The following STK24 variants were observed in gnomAD, a reference collection of about 807,000 sequenced individuals.
STK24 encodes serine/threonine-protein kinase 24.
A neutral mutation model predicts 55.6 loss-of-function variants in STK24; 21 were observed. The observed-to-expected ratio is 0.38, with a 90% confidence interval of 0.27 to 0.54. The LOEUF is 0.54. Ranked by LOEUF, STK24 falls within the 20% of genes least tolerant of loss-of-function variation. The pLI, the probability that STK24 is intolerant of heterozygous loss-of-function variation, is 0.79. For missense variants in STK24, 383 were observed against 538.4 expected (o/e 0.71, Z 2.86); for synonymous variants, 200 against 215.2 (o/e 0.93, Z 0.62).
At position 98,446,072 on chromosome 13, in the gene STK24, T is replaced by C. The variant is rs1333805915; in HGVS notation, c.*7101A>G. ...CTCCTGGGGCAGGTGCCCGCTGTGC[T>C]TCTCACAGGCCTCCTTGCCTTTCAG... On this transcript the variant is annotated 3_prime_UTR_variant, in exon 11 of 11. Coordinates refer to ENST00000539966, the MANE Select transcript of STK24 (RefSeq NM_001032296.4). The C allele has an allele frequency of 6.5e-7, 1 of 1,533,936 alleles. No individual in the cohort carries two copies. The highest frequency in any genetic ancestry group is 1.4e-5 in the African/African-American group (1 of 73,596).
At chr13:98,477,337 T>A (rs1894415308) in intron 3 of STK24, among the ~76,000 whole-genome samples, 1 of 152,172 alleles carries the variant, frequency 6.6e-6, no homozygotes, top group Non-Finnish European at 1.5e-5. Context: ...CTTTTGTTCA[T>A]AATGCTGGAG....
intron 5 of STK24, among the ~76,000 whole-genome samples, chr13:98,470,264 C>A (rs1894091671): frequency 6.6e-6 from 1 of 151,922 alleles, no homozygotes; most frequent in African/African-American, 2.4e-5. Flanking sequence ...GGGCATATCA[C>A]CATGCCCAGC....
chr13:98,545,368 C>G (rs1308880032), intron 1 of STK24, among the ~76,000 whole-genome samples: 1 of 151,984 alleles, frequency 6.6e-6, no homozygotes, highest in Admixed American at 6.6e-5. Flanking sequence ...CAGACTAGGC[C>G]GGGCGCAGTG....
intron 1 of STK24, among the ~76,000 whole-genome samples, chr13:98,566,557 T>C (rs1221317193): frequency 6.6e-5 from 10 of 152,248 alleles, no homozygotes; most frequent in Non-Finnish European, 1.3e-4. Flanking sequence ...GCAGAGACCC[T>C]GAGGGTTCAC....
chr13:98,568,671 T>C (rs2139462938), intron 1 of STK24, among the ~76,000 whole-genome samples: 1 of 152,076 alleles, frequency 6.6e-6, no homozygotes, highest in Admixed American at 6.5e-5. Flanking sequence ...GTTCGAGACC[T>C]GCCTGCTCCA....
chr13:98,466,356 G>A lies in STK24; in HGVS notation c.783+20C>T. ...CAAGCCGCACATGAAGAGGTACGCT[G>A]TGATCCCTGGGAAACTTACAAAGCT... On this transcript the variant is annotated intron_variant, in intron 6 of 10. Coordinates refer to ENST00000539966, the MANE Select transcript of STK24 (RefSeq NM_001032296.4). 1 of 1,611,150 alleles carries A rather than the reference G, an allele frequency of 6.2e-7. No individual in the cohort carries two copies. Among genetic ancestry groups the A allele is most frequent in the South Asian group, 1.1e-5 (1 of 90,902 alleles).
Position 98,448,150 on chromosome 13 carries a change from C to A in STK24, c.*5023G>T. 8.5e-7 allele frequency: 1 copy of A among 1,178,700 alleles called. No individual in the cohort carries two copies. The highest frequency in any genetic ancestry group is 1.3e-6 in the Non-Finnish European group (1 of 786,038). 73.0% of individuals were successfully genotyped at this position (1,178,700 alleles called of 1,614,324 possible). On this transcript the variant is annotated 3_prime_UTR_variant, in exon 11 of 11. Transcript: ENST00000539966. ...TTACCAACCAGGCGGCCTGACTTCA[C>A]CTTGTGTTTCTGTAAGCGATGCCCA...
At chr13:98,495,197 TC>T (rs1172700394) in intron 2 of STK24, among the ~76,000 whole-genome samples, 2 of 152,232 alleles carry the variant, frequency 1.3e-5, no homozygotes, top group Non-Finnish European at 2.9e-5. Context: ...AGTCATGCTG[TC>T]CTACAAGAAC....
At chr13:98,535,370 A>T (rs12428892) in intron 1 of STK24, among the ~76,000 whole-genome samples, 14,776 of 55,534 alleles carry the variant, frequency 0.27, 1,012 homozygotes, top group East Asian at 0.46. Flanking sequence ...ACAAAAAAAA[A>T]ATATATATAT....
chr13:98,486,459 A>G (rs1894810700), intron 2 of STK24, among the ~76,000 whole-genome samples: 1 of 152,182 alleles, frequency 6.6e-6, no homozygotes, highest in African/African-American at 2.4e-5. Flanking sequence ...AAGCTTGGGA[A>G]AGCAAGAGAC....
At chr13:98,475,865 T>C (rs776063331) in intron 3 of STK24, among the ~76,000 whole-genome samples, 1 of 147,620 alleles carries the variant, frequency 6.8e-6, no homozygotes, top group Non-Finnish European at 1.5e-5. Flanking sequence ...GGCTCACCCC[T>C]GGTACCCAAA....
intron 1 of STK24, among the ~76,000 whole-genome samples, chr13:98,573,792 GC>G (rs1319804888): frequency 6.6e-6 from 1 of 152,158 alleles, no homozygotes; most frequent in Non-Finnish European, 1.5e-5. Flanking sequence ...TCACAAATTT[GC>G]CACATAATAT....
At chr13:98,566,351 G>T (rs1265417341) in intron 1 of STK24, among the ~76,000 whole-genome samples, 1 of 152,268 alleles carries the variant, frequency 6.6e-6, no homozygotes, top group African/African-American at 2.4e-5. Flanking sequence ...GGAGGGCAGA[G>T]CTGTGTTGGG....
intron 9 of STK24, 64 bp from the exon 10 acceptor site, chr13:98,457,368 T>G: frequency 6.2e-7 from 1 of 1,610,404 alleles, no homozygotes; most frequent in Non-Finnish European, 8.5e-7. Flanking sequence ...GGAAGCATGC[T>G]GTTCAAGGAA....
At chr13:98,461,724 A>C in intron 8 of STK24, 50 bp downstream of exon 8, 1 of 1,600,586 alleles carries the variant, frequency 6.2e-7, no homozygotes, top group African/African-American at 1.3e-5. Flanking sequence ...GTGCCTCCAA[A>C]ACACTGCAGA....
chr13:98,539,591 C>T lies in STK24; in HGVS notation c.43-20118G>A, dbSNP rs949188685. Among the ~76,000 whole-genome samples, 11 of 152,146 alleles carry T rather than the reference C, an allele frequency of 7.2e-5. No individual in the cohort carries two copies. In the Middle Eastern group the frequency reaches 0.01, roughly 142 times the overall value. On this transcript the variant is annotated intron_variant, in intron 1 of 10. Coordinates refer to ENST00000539966, the MANE Select transcript of STK24 (RefSeq NM_001032296.4). Reference sequence around the variant, plus strand: ...AAAAACAAAAAAAAAAGGAAACTTACATTACCAGCACAGTAATGACGGCTG... The same window carrying T: ...AAAAACAAAAAAAAAAGGAAACTTATATTACCAGCACAGTAATGACGGCTG...
chr13:98,548,822 A>T (rs1171897754), intron 1 of STK24, among the ~76,000 whole-genome samples: 1 of 139,902 alleles, frequency 7.1e-6, no homozygotes, highest in Non-Finnish European at 1.5e-5. Flanking sequence ...AGATCATACC[A>T]CTGCACTCCA....
At chr13:98,557,062 C>T (rs1317578869) in intron 1 of STK24, among the ~76,000 whole-genome samples, 1 of 152,184 alleles carries the variant, frequency 6.6e-6, no homozygotes, top group African/African-American at 2.4e-5. Context: ...TGTGGACACT[C>T]TGGGGCTCAC....
At chr13:98,514,555 AG>A (rs938194317) in intron 2 of STK24, among the ~76,000 whole-genome samples, 9 of 152,228 alleles carry the variant, frequency 5.9e-5, no homozygotes, top group African/African-American at 2.2e-4. Flanking sequence ...CAAACTACTC[AG>A]AAAAGTTTTT....
Sources: gnomAD v4.1 joint callset for allele counts (sites outside exome capture counted in the v4.1 genomes callset) on GRCh38, gnomAD v4.1.1 for gene constraint, MANE v1.5 for transcripts, NCBI Gene and HGNC (gene_info 2026-07-23, HGNC 2026-07-21) for gene names.